ITPRID1: variants seen among roughly 807,000 people sequenced by gnomAD.
The protein encoded by ITPRID1 is ITPR interacting domain containing 1.
A neutral mutation model predicts 95.4 loss-of-function variants in ITPRID1; 96 were observed. The ratio of observed to expected loss-of-function variants is 1.01; its 90% CI spans 0.85 to 1.19. The LOEUF (loss-of-function observed/expected upper bound fraction) is 1.19. Ranked by LOEUF, ITPRID1 falls within the 50% of genes most tolerant of loss-of-function variation. The probability of loss-of-function intolerance (pLI) is 0.00; values close to 1 mark genes in which losing one functional copy is unlikely to be tolerated. For synonymous variants in ITPRID1, 510 were observed against 453.6 expected, an observed-to-expected ratio of 1.12 and a Z score of -1.58; for missense variants, 1,339 against 1,252.9, an observed-to-expected ratio of 1.07 and a Z score of -1.04.
chr7:31,573,481 T>C (rs1017928600), intron 7 of ITPRID1, among the ~76,000 whole-genome samples: 1 of 152,160 alleles, frequency 6.6e-6, no homozygotes, highest in African/African-American at 2.4e-5. Context: ...CTACCTGTTG[T>C]TGAATGTGTA....
In ITPRID1 at chr7:31,644,184, T is replaced by C. The variant is rs1199683638; in HGVS notation, c.2583+231T>C. On this transcript the variant is annotated intron_variant, in intron 12 of 14. Transcript: ENST00000615280. ...AAATAAGCAAAGCAAATTTTATCATTAATCATCATTTTACAGAAAGGAAAA... is the reference window on the plus strand; with the variant it reads ...AAATAAGCAAAGCAAATTTTATCATCAATCATCATTTTACAGAAAGGAAAA... Among the ~76,000 whole-genome samples, 4 of 152,220 alleles carry C rather than the reference T, an allele frequency of 2.6e-5. No homozygotes were observed. In the East Asian group the frequency reaches 7.7e-4, roughly 29 times the overall value.
At chr7:31,600,672 C>G (rs6949643) in intron 10 of ITPRID1, among the ~76,000 whole-genome samples, 6 of 151,996 alleles carry the variant, frequency 3.9e-5, no homozygotes, top group African/African-American at 1.4e-4. Context: ...CTTCCTTACC[C>G]TTGAGAAGTG....
chr7:31,564,158 C>T (rs1179580318), intron 5 of ITPRID1, among the ~76,000 whole-genome samples: 1 of 152,168 alleles, frequency 6.6e-6, no homozygotes, highest in Non-Finnish European at 1.5e-5. Flanking sequence ...TTAGTGCCTT[C>T]TGCATATCTA....
chr7:31,656,051 G>C lies in ITPRID1; in HGVS notation c.*3222G>C, dbSNP rs1251755179. ...TATCTCACCAGTAAGTCCTAGGGCAGACCCCATCTCCTACACAGGCTTTCC... is the reference window on the plus strand; with the variant it reads ...TATCTCACCAGTAAGTCCTAGGGCACACCCCATCTCCTACACAGGCTTTCC... On this transcript the variant is annotated 3_prime_UTR_variant, in exon 15 of 15. Coordinates refer to ENST00000615280, the MANE Select transcript of ITPRID1 (RefSeq NM_001257967.3). 1 of 975,596 alleles carries C rather than the reference G, an allele frequency of 1.0e-6. No homozygotes were observed. The highest frequency in any genetic ancestry group is 1.2e-6 in the Non-Finnish European group (1 of 821,072). The allele number at this position is 975,596 out of a possible 1,614,324, so 60.4% of individuals were successfully genotyped here.
At position 31,643,837 on chromosome 7, in the gene ITPRID1, G is replaced by A; in HGVS notation, c.2467G>A (p.Gly823Ser). 3 of 1,613,914 alleles carry A rather than the reference G, an allele frequency of 1.9e-6. No homozygotes were observed. Among genetic ancestry groups the A allele is most frequent in the Non-Finnish European group, 2.5e-6 (3 of 1,179,902 alleles). ...CTGCCACGGGGAGAGGCAAAGCCCT[G>A]GCCCTGAACCCTCAGTCTGTAGGCA... ...PHCHGERQSP[G>S]PEPSVCRHCL... The change falls in exon 12 of 15, where the codon GGC (glycine) becomes AGC (serine). Residue 823 changes from glycine (G) to serine (S), a missense_variant. Physicochemically the swap from Gly to Ser is moderately conservative, Grantham distance 56. Coordinates refer to ENST00000615280, the MANE Select transcript of ITPRID1 (RefSeq NM_001257967.3).
At chr7:31,544,432 G>A (rs1784030353) in intron 1 of ITPRID1, among the ~76,000 whole-genome samples, 1 of 152,070 alleles carries the variant, frequency 6.6e-6, no homozygotes, top group African/African-American at 2.4e-5. Flanking sequence ...CAGCTCTTTG[G>A]TGAAATTTAT....
At position 31,653,007 on chromosome 7, in the gene ITPRID1, T is replaced by C; in HGVS notation, c.*178T>C. The C allele has an allele frequency of 6.4e-6, 9 of 1,417,304 alleles. No individual in the cohort carries two copies. Among genetic ancestry groups the C allele is most frequent in the Non-Finnish European group, 8.3e-6 (9 of 1,086,064 alleles). 87.8% of individuals were successfully genotyped at this position (1,417,304 alleles called of 1,614,324 possible). On this transcript the variant is annotated 3_prime_UTR_variant, in exon 15 of 15. Coordinates refer to ENST00000615280, the MANE Select transcript of ITPRID1 (RefSeq NM_001257967.3). ...TTAGAATACTCTAATACTCATTCAG[T>C]ATAGAATAACTGAGCACCTAGTATG...
intron 1 of ITPRID1, among the ~76,000 whole-genome samples, chr7:31,522,729 G>T (rs1338313685): frequency 6.6e-6 from 1 of 152,174 alleles, no homozygotes; most frequent in Non-Finnish European, 1.5e-5. Context: ...ATGGCAAGCT[G>T]TGTAGAACAC....
chr7:31,616,997 T>G (rs1787308114), intron 10 of ITPRID1, among the ~76,000 whole-genome samples: 1 of 152,180 alleles, frequency 6.6e-6, no homozygotes, highest in African/African-American at 2.4e-5. Context: ...TTGCTTATAT[T>G]CCAAGTGCAT....
intron 3 of ITPRID1, 138 bp downstream of exon 3, chr7:31,553,325 G>T: frequency 1.3e-6 from 1 of 793,298 alleles, no homozygotes; most frequent in Non-Finnish European, 1.9e-6. Flanking sequence ...GCATGATGCC[G>T]GAAACATTTA....
chr7:31,635,661 C>T (rs149961024), intron 10 of ITPRID1, among the ~76,000 whole-genome samples: 44 of 152,038 alleles, frequency 2.9e-4, no homozygotes, highest in Non-Finnish European at 4.9e-4. Flanking sequence ...TGTATTAGGC[C>T]GTTCTCATGC....
chr7:31,516,310 G>C (rs115498295), intron 1 of ITPRID1, among the ~76,000 whole-genome samples: 20 of 152,196 alleles, frequency 1.3e-4, no homozygotes, highest in Middle Eastern at 3.4e-3. Context: ...TATTGGTTCT[G>C]GGAAATATGG....
At chr7:31,536,433 T>G (rs10253809) in intron 1 of ITPRID1, among the ~76,000 whole-genome samples, 20,320 of 152,184 alleles carry the variant, frequency 0.13, 1,824 homozygotes, top group Non-Finnish European at 0.19. Context: ...AAAGTCCCTG[T>G]CTGATAATTT....
chr7:31,595,292 G>T (rs187418192), intron 10 of ITPRID1, among the ~76,000 whole-genome samples: 2 of 150,470 alleles, frequency 1.3e-5, no homozygotes, highest in Admixed American at 6.6e-5. Context: ...TGATCCACCC[G>T]CCTTGGTCCC....
intron 10 of ITPRID1, among the ~76,000 whole-genome samples, chr7:31,598,559 A>G (rs1306557327): frequency 6.6e-6 from 1 of 151,538 alleles, no homozygotes; most frequent in Non-Finnish European, 1.5e-5. Flanking sequence ...GCCCGCTACC[A>G]CGCCCGGCTA....
At position 31,519,145 on chromosome 7, in the gene ITPRID1, C is replaced by T. The variant is rs553751001; in HGVS notation, c.-98+5025C>T. Among the ~76,000 whole-genome samples the T allele has an allele frequency of 5.3e-5, 8 of 152,136 alleles. No homozygotes were observed. The South Asian group carries it at 1.7e-3, about 32-fold the overall frequency. On this transcript the variant is annotated intron_variant, in intron 1 of 14. Transcript: ENST00000615280. ...ACCCCAAATGCTCAAGACGCCAGGT[C>T]CTACACAACATGGTAGTGATGCAAA...
chr7:31,519,602 CTCTCTCTCTCTCTCTCTCTATATA>C (rs1484621635), intron 1 of ITPRID1, among the ~76,000 whole-genome samples: 10 of 57,212 alleles, frequency 1.7e-4, no homozygotes, highest in African/African-American at 5.7e-4. Flanking sequence ...CTCTCTCTCT[CTCTCTCTCTCTCTCTCTCTATATA>C]TATATATATA....
intron 10 of ITPRID1, among the ~76,000 whole-genome samples, chr7:31,617,364 T>TATC (rs1787352457): frequency 6.6e-6 from 1 of 152,176 alleles, no homozygotes; most frequent in Admixed American, 6.5e-5. Context: ...TTGCCAAAGG[T>TATC]ATCATACCTC....
chr7:31,601,942 C>T (rs1045729120), intron 10 of ITPRID1, among the ~76,000 whole-genome samples: 2 of 152,148 alleles, frequency 1.3e-5, no homozygotes, highest in African/African-American at 2.4e-5. Flanking sequence ...TTTCTACACA[C>T]CCATGAAAGT....
Sources: allele counts gnomAD v4.1 joint callset (sites outside exome capture counted in the v4.1 genomes callset), GRCh38; gene constraint gnomAD v4.1.1; transcripts MANE v1.5; gene names NCBI Gene and HGNC (gene_info 2026-07-23, HGNC 2026-07-21).